Variants in PTPRT observed in about 807,000 individuals in gnomAD.
PTPRT encodes the protein protein tyrosine phosphatase receptor type T, also known as receptor-type tyrosine-protein phosphatase T.
In PTPRT, 56 loss-of-function variants were observed where a neutral mutation model predicts 176.8. The ratio of observed to expected loss-of-function variants is 0.32; its 90% confidence interval spans 0.26 to 0.40. The LOEUF is 0.40. Among genes scored for constraint, PTPRT ranks in the 10% least tolerant of loss-of-function variants. The pLI is 1.00. For missense variants in PTPRT, 1,540 were observed against 1,908.2 expected (o/e 0.81, Z 3.60); for synonymous variants, 783 against 739.0 (o/e 1.06, Z -0.96).
intron 1 of PTPRT, among the ~76,000 whole-genome samples, chr20:42,940,392 T>C (rs1980462859): frequency 6.6e-6 from 1 of 152,144 alleles, no homozygotes; most frequent in Admixed American, 6.5e-5. Context: ...CGCATAGCCA[T>C]AACCAAGGAA....
At chr20:42,981,988 A>G (rs1284807320) in intron 1 of PTPRT, among the ~76,000 whole-genome samples, 1 of 152,178 alleles carries the variant, frequency 6.6e-6, no homozygotes. Context: ...AACTAGACCG[A>G]GGGAAGAAGA....
chr20:42,496,423 G>C lies in PTPRT; in HGVS notation c.1154-23861C>G, dbSNP rs75601111. Among the ~76,000 whole-genome samples, 691 of 152,260 alleles carry C rather than the reference G, an allele frequency of 4.5e-3. 5 individuals carry two copies. The highest frequency in any genetic ancestry group is 0.016 in the African/African-American group (664 of 41,546). ...TTCCATGTCCTAAAAGAAGTCAAAA[G>C]TGGTCTTGAATAATTGGAACCGTTC... On this transcript the variant is annotated intron_variant, in intron 7 of 30. Coordinates refer to ENST00000373187, the MANE Select transcript of PTPRT (RefSeq NM_007050.6).
rs62204873 is a variant in PTPRT at position 42,468,946 on chromosome 20, A to T, written c.1450+3320T>A. Among the ~76,000 whole-genome samples the T allele has an allele frequency of 8.0e-3, 1,221 of 152,300 alleles. 11 individuals carry two copies. Among genetic ancestry groups the T allele is most frequent in the Middle Eastern group, 0.014 (4 of 294 alleles). ...CCAAGCACACTGCCACTTTTTGAGC[A>T]TCTACAGTGTATTTCCCACAACCAG... On this transcript the variant is annotated intron_variant, in intron 8 of 30. Coordinates refer to ENST00000373187, the MANE Select transcript of PTPRT (RefSeq NM_007050.6).
In PTPRT at chr20:42,458,929, T is replaced by C. The variant is rs4476407; in HGVS notation, c.1451-10600A>G. Among the ~76,000 whole-genome samples, 1,023 of 152,294 alleles carry C rather than the reference T, an allele frequency of 6.7e-3. 12 individuals carry two copies. Among genetic ancestry groups the C allele is most frequent in the African/African-American group, 0.023 (976 of 41,566 alleles). ...AGGAAAAAATCTTGTCTCTGTGGAA[T>C]GCATTCTAGTGGGAGAAGACAGATA... is the stretch of plus-strand genomic sequence containing the variant. On this transcript the variant is annotated intron_variant, in intron 8 of 30. Coordinates refer to ENST00000373187, the MANE Select transcript of PTPRT (RefSeq NM_007050.6).
chr20:42,041,429 C>T, the PTPRT span, among the ~76,000 whole-genome samples: 1 of 152,154 alleles, frequency 6.6e-6, no homozygotes, highest in Non-Finnish European at 1.5e-5. Flanking sequence ...GCAATTTTCT[C>T]CACCTCCTAG....
intron 9 of PTPRT, among the ~76,000 whole-genome samples, chr20:42,409,182 A>C: frequency 6.6e-6 from 1 of 152,260 alleles, no homozygotes; most frequent in South Asian, 2.1e-4. Flanking sequence ...AATAATGTCA[A>C]ATTGAAGGTA....
chr20:42,097,644 G>C (rs1165356281), intron 27 of PTPRT, among the ~76,000 whole-genome samples: 3 of 152,192 alleles, frequency 2.0e-5, no homozygotes, highest in Non-Finnish European at 4.4e-5. Flanking sequence ...TATAGCTCAG[G>C]TCTGTTTAAA....
intron 1 of PTPRT, among the ~76,000 whole-genome samples, chr20:43,097,951 G>A (rs565383091): frequency 7.9e-5 from 12 of 152,232 alleles, no homozygotes; most frequent in African/African-American, 2.9e-4. Flanking sequence ...AGCACAGTGC[G>A]CGGGCTGTAC....
intron 9 of PTPRT, among the ~76,000 whole-genome samples, chr20:42,387,520 C>T (rs866458843): frequency 1.3e-5 from 2 of 152,068 alleles, no homozygotes; most frequent in East Asian, 1.9e-4. Flanking sequence ...TTGTTGTTGT[C>T]GTCGTCATTT....
intron 7 of PTPRT, among the ~76,000 whole-genome samples, chr20:42,601,174 C>A (rs1045995594): frequency 4.6e-5 from 7 of 152,186 alleles, no homozygotes; most frequent in African/African-American, 1.7e-4. Context: ...GTGGAAAATT[C>A]TTTCCCATTG....
chr20:42,842,852 G>C (rs1307005088), intron 2 of PTPRT, among the ~76,000 whole-genome samples: 2 of 152,150 alleles, frequency 1.3e-5, no homozygotes, highest in South Asian at 2.1e-4. Context: ...AGGAACAGAG[G>C]GGGTCCCTCA....
chr20:42,901,676 C>G (rs182873163), intron 1 of PTPRT, among the ~76,000 whole-genome samples: 1 of 152,240 alleles, frequency 6.6e-6, no homozygotes, highest in East Asian at 1.9e-4. Flanking sequence ...TAAGAAACAC[C>G]AACCCCACAA....
At chr20:42,205,987 C>T (rs1020960712) in intron 15 of PTPRT, among the ~76,000 whole-genome samples, 8 of 152,080 alleles carry the variant, frequency 5.3e-5, no homozygotes, top group Admixed American at 3.9e-4. Flanking sequence ...GACACTGAGG[C>T]CTGGACAGAG....
chr20:42,271,821 C>T (rs1237890710), intron 13 of PTPRT, among the ~76,000 whole-genome samples: 1 of 152,112 alleles, frequency 6.6e-6, no homozygotes, highest in Non-Finnish European at 1.5e-5. Context: ...GATCCATCAA[C>T]AAAACTGCAG....
intron 1 of PTPRT, among the ~76,000 whole-genome samples, chr20:43,088,834 A>C (rs1056275026): frequency 2.6e-5 from 4 of 152,152 alleles, no homozygotes; most frequent in Non-Finnish European, 5.9e-5. Context: ...CATCCAGGGA[A>C]GAACTTCTCA....
At chr20:42,359,904 C>T (rs1363779938) in intron 9 of PTPRT, among the ~76,000 whole-genome samples, 1 of 152,238 alleles carries the variant, frequency 6.6e-6, no homozygotes, top group African/African-American at 2.4e-5. Context: ...CTGGTGCGGA[C>T]TTTCTTGGTT....
chr20:43,018,273 T>A (rs1985469546), intron 1 of PTPRT, among the ~76,000 whole-genome samples: 1 of 152,230 alleles, frequency 6.6e-6, no homozygotes, highest in African/African-American at 2.4e-5. Flanking sequence ...TAACTCTGTG[T>A]TCATTTTTTG....
intron 15 of PTPRT, among the ~76,000 whole-genome samples, chr20:42,200,540 A>G (rs1312849492): frequency 3.3e-5 from 5 of 152,182 alleles, no homozygotes; most frequent in Non-Finnish European, 7.3e-5. Context: ...CTTTGACCTC[A>G]CTGAGGAACT....
At chr20:42,685,213 A>G (rs2075671719) in intron 6 of PTPRT, among the ~76,000 whole-genome samples, 1 of 152,236 alleles carries the variant, frequency 6.6e-6, no homozygotes, top group African/African-American at 2.4e-5. Context: ...AGCCAGCAGA[A>G]AAAATGCTCT....
Sources: allele counts gnomAD v4.1 joint callset (sites outside exome capture counted in the v4.1 genomes callset), GRCh38; gene constraint gnomAD v4.1.1; transcripts MANE v1.5; gene names NCBI Gene and HGNC (gene_info 2026-07-23, HGNC 2026-07-21).